Variants in MMP21 observed in about 807,000 individuals in gnomAD.
MMP21 encodes the protein matrix metalloproteinase-21.
In MMP21, 40 loss-of-function variants were observed where a neutral mutation model predicts 47.8. That is an observed-to-expected ratio of 0.84 (90% CI 0.65 to 1.09). The LOEUF is 1.09. MMP21 is among the 50% of genes least tolerant of loss of function. The pLI, the probability that MMP21 is intolerant of heterozygous loss-of-function variation, is 0.00. For synonymous variants in MMP21, 341 were observed against 318.0 expected (o/e 1.07, Z -0.77); for missense variants, 747 against 775.3 (o/e 0.96, Z 0.43).
intron 6 of MMP21, 117 bp downstream of exon 6, chr10:125,767,415 A>T: frequency 2.0e-6 from 2 of 1,013,000 alleles, no homozygotes; most frequent in African/African-American, 1.6e-5. Context: ...GTGCGGGATT[A>T]CAGGCATGCG....
chr10:125,775,633 A>G, intron 1 of MMP21, 27 bp downstream of exon 1: 2 of 1,581,846 alleles, frequency 1.3e-6, no homozygotes, highest in Non-Finnish European at 1.7e-6. Context: ...GCCTGGGGGT[A>G]TTGCTGTTCT....
intron 1 of MMP21, among the ~76,000 whole-genome samples, chr10:125,774,762 C>T (rs547661586): frequency 5.9e-5 from 9 of 152,178 alleles, no homozygotes; most frequent in South Asian, 2.1e-4. Context: ...ACGCTCCCCC[C>T]GGCCTTGCGG....
Position 125,773,419 on chromosome 10 carries a change from G to A in MMP21, c.697+412C>T, listed in dbSNP as rs1362988931. Among the ~76,000 whole-genome samples, 3 of 152,034 alleles carry A rather than the reference G, an allele frequency of 2.0e-5. No homozygotes were observed. Among genetic ancestry groups the A allele is most frequent in the Non-Finnish European group, 4.4e-5 (3 of 68,024 alleles). On this transcript the variant is annotated intron_variant, in intron 2 of 6. Transcript: ENST00000368808. The surrounding 1 kb of genome is among the most constrained non-coding windows in gnomAD (Gnocchi z 4.8). Reference sequence around the variant, plus strand: ...TGGTCTGCCCCTTAAAAACACTTCTGTTGCTAGACGTCCAAGGTATTTTGT... The same window carrying A: ...TGGTCTGCCCCTTAAAAACACTTCTATTGCTAGACGTCCAAGGTATTTTGT...
rs1174436627 is a variant in MMP21 at position 125,773,840 on chromosome 10, A to T, written c.688T>A (p.Phe230Ile). The change falls in exon 2 of 7, where the codon TTT becomes ATT. Residue 230 changes from phenylalanine to isoleucine, a missense_variant. By Grantham distance (21) the Phe-to-Ile change is conservative. Transcript: ENST00000368808. This position sits in a 1 kb window ranked among gnomAD's most constrained non-coding sequence, Gnocchi z 4.8. ...CCCGGGGTGCTCTTACCTCTCCCAA[A>T]GCCCAGCTTGATGTCGACCGCGGCC... ...PGAAVDIKLGFGRGRHLGCPR... is the reference protein window; with the variant it reads ...PGAAVDIKLGIGRGRHLGCPR... 6.5e-7 allele frequency: 1 copy of T among 1,550,340 alleles called. No homozygotes were observed. The highest frequency in any genetic ancestry group is 8.7e-7 in the Non-Finnish European group (1 of 1,155,422).
chr10:125,774,421 C>T, intron 1 of MMP21, 56 bp from the exon 2 acceptor site: 3 of 1,240,698 alleles, frequency 2.4e-6, no homozygotes, highest in East Asian at 3.2e-5. Context: ...CCCTCCCGGG[C>T]TGCCCTGCCC....
At position 125,766,800 on chromosome 10, in the gene MMP21, A is replaced by G; in HGVS notation, c.1572T>C (p.Asn524=). The G allele has an allele frequency of 6.2e-7, 1 of 1,614,060 alleles. No individual in the cohort carries two copies. The change falls in exon 7 of 7, where the codon AAT becomes AAC. Residue 524 remains asparagine (N), a synonymous_variant. Coordinates refer to ENST00000368808, the MANE Select transcript of MMP21 (RefSeq NM_147191.1). ...AYNSIFFFKG[N]AYWKVVNDKD... ...TGTCATTAACTACCTTCCAGTATGC[A>G]TTGCCTTTGAAAAAGAAAATGGAGT...
In MMP21 at chr10:125,770,580, C is replaced by T; in HGVS notation, c.991G>A (p.Gly331Arg). 6.2e-7 allele frequency: 1 copy of T among 1,613,688 alleles called. No homozygotes were observed. Among genetic ancestry groups the T allele is most frequent in the Non-Finnish European group, 8.5e-7 (1 of 1,179,774 alleles). Reference protein sequence around the residue: ...AIQKLYGSCEGSFDTAFDWIR... With the variant: ...AIQKLYGSCERSFDTAFDWIR... The stretch of plus-strand genomic sequence containing the variant: ...CAGTCAAACGCAGTATCAAATGATC[C>T]CTCACAGGAGCCTTAAAAAAACAAA... Residue 331 changes from glycine (G) to arginine (R), a missense_variant, in exon 5 of 7, where the codon GGA becomes AGA. Physicochemically the swap from Gly to Arg is moderately radical, Grantham distance 125. Transcript: ENST00000368808.
rs1410859368 is a variant in MMP21, at chr10:125,774,308, C to T, written c.220G>A (p.Glu74Lys). 4.9e-6 allele frequency: 7 copies of T among 1,414,488 alleles called. No homozygotes were observed. Among genetic ancestry groups the T allele is most frequent in the East Asian group, 6.0e-5 (2 of 33,292 alleles). The allele number at this position is 1,414,488 out of a possible 1,614,324, so 87.6% of individuals were successfully genotyped here. Residue 74 changes from glutamate (E) to lysine (K), a missense_variant, in exon 2 of 7, where the codon GAG becomes AAG. Glu to Lys is a moderately conservative substitution (Grantham distance 56). Coordinates refer to ENST00000368808, the MANE Select transcript of MMP21 (RefSeq NM_147191.1). Reference protein sequence around the residue: ...GVWAAWGPSPEGPPETPKGAA... With the variant: ...GVWAAWGPSPKGPPETPKGAA... The stretch of plus-strand genomic sequence containing the variant: ...CCCTTGGGGGTCTCCGGCGGCCCCT[C>T]GGGACTGGGCCCCCAGGCCGCCCAC...
At position 125,766,489 on chromosome 10, in the gene MMP21, C is replaced by T; in HGVS notation, c.*173G>A. 1 of 541,936 alleles carries T rather than the reference C, an allele frequency of 1.8e-6. No individual in the cohort carries two copies. Among genetic ancestry groups the T allele is most frequent in the Non-Finnish European group, 3.1e-6 (1 of 320,848 alleles). 33.6% of individuals were successfully genotyped at this position (541,936 alleles called of 1,614,324 possible). On this transcript the variant is annotated 3_prime_UTR_variant, in exon 7 of 7. Transcript: ENST00000368808. ...CTTTTAGTTTATGAATTATGTTTTGCCTGAGCAATTGTTTTTAAATCAAGT... is the reference window on the plus strand; with the variant it reads ...CTTTTAGTTTATGAATTATGTTTTGTCTGAGCAATTGTTTTTAAATCAAGT...
In MMP21 at chr10:125,774,365, G is replaced by T. The variant is rs61753106; in HGVS notation, c.163C>A (p.Arg55=). 2 of 1,348,238 alleles carry T rather than the reference G, an allele frequency of 1.5e-6. No homozygotes were observed. Among genetic ancestry groups the T allele is most frequent in the Non-Finnish European group, 1.9e-6 (2 of 1,052,616 alleles). The allele number at this position is 1,348,238 out of a possible 1,614,324, so 83.5% of individuals were successfully genotyped here. Residue 55 remains arginine, a splice_region_variant and synonymous_variant, in exon 2 of 7, where the codon CGG becomes AGG. Coordinates refer to ENST00000368808, the MANE Select transcript of MMP21 (RefSeq NM_147191.1). ...KPIADLHAAQ[R]FLSRYGWSGV... Reference sequence around the variant, plus strand: ...GACCAGCCGTATCTGGACAGGAACCGCTGTGGGAGAGAAAGGCACCCTAAT... The same window carrying T: ...GACCAGCCGTATCTGGACAGGAACCTCTGTGGGAGAGAAAGGCACCCTAAT...
chr10:125,767,458 A>T, intron 6 of MMP21, 74 bp downstream of exon 6: 1 of 1,409,454 alleles, frequency 7.1e-7, no homozygotes, highest in African/African-American at 1.4e-5. Flanking sequence ...GCTTTTAAAT[A>T]TGAACTTGGT....
In MMP21 at chr10:125,769,400, C is replaced by T. The variant is rs138611499; in HGVS notation, c.1237+934G>A. Among the ~76,000 whole-genome samples, 92 of 152,364 alleles carry T rather than the reference C, an allele frequency of 6.0e-4. 1 individual carries two copies. The highest frequency in any genetic ancestry group is 2.2e-3 in the African/African-American group (91 of 41,598). The stretch of plus-strand genomic sequence containing the variant: ...CCCGACCCTGGCATTCGAGGCCCTC[C>T]GTGGTTGGGCCAACCCGCCTTTCTA... On this transcript the variant is annotated intron_variant, in intron 5 of 6. Transcript: ENST00000368808.
At position 125,772,074 on chromosome 10, in the gene MMP21, AG is replaced by A; in HGVS notation, c.979+143del. The stretch of plus-strand genomic sequence containing the variant: ...TGAGAGAATGGCATCAGGGAGCTAG[AG>A]GGTGGCTACCCTTGGGTGACATGAG... On this transcript the variant is annotated intron_variant, in intron 4 of 6. Coordinates refer to ENST00000368808, the MANE Select transcript of MMP21 (RefSeq NM_147191.1). This position sits in a 1 kb window ranked among gnomAD's most constrained non-coding sequence, Gnocchi z 5.6. 1 of 935,908 alleles carries A rather than the reference AG, an allele frequency of 1.1e-6. No homozygotes were observed. Among genetic ancestry groups the A allele is most frequent in the Middle Eastern group, 3.3e-4 (1 of 3,000 alleles). The allele number at this position is 935,908 out of a possible 1,614,324, so 58.0% of individuals were successfully genotyped here.
chr10:125,774,675 A>T (rs1351682217), intron 1 of MMP21, among the ~76,000 whole-genome samples: 1 of 152,152 alleles, frequency 6.6e-6, no homozygotes, highest in Middle Eastern at 3.2e-3. Context: ...GAGGCGCCCT[A>T]GGGCCGGAGG....
Position 125,770,351 on chromosome 10 carries a change from T to A in MMP21, c.1220A>T (p.Glu407Val). The change falls in exon 5 of 7, where the codon GAA becomes GTA. Residue 407 changes from glutamate (E) to valine (V), a missense_variant. By Grantham distance (121) the Glu-to-Val change is moderately radical. Coordinates refer to ENST00000368808, the MANE Select transcript of MMP21 (RefSeq NM_147191.1). ...FVHIWTWKRD[E>V]RYFFQGNQYW... Reference sequence around the variant, plus strand: ...ATCTGTACCTTGAAAAAAATAACGTTCATCTCTTTTCCATGTCCAGATGTG... The same window carrying A: ...ATCTGTACCTTGAAAAAAATAACGTACATCTCTTTTCCATGTCCAGATGTG... 3.1e-6 allele frequency: 5 copies of A among 1,614,144 alleles called. No homozygotes were observed. The highest frequency in any genetic ancestry group is 4.2e-6 in the Non-Finnish European group (5 of 1,180,008).
At position 125,773,769 on chromosome 10, in the gene MMP21, T is replaced by G; in HGVS notation, c.697+62A>C. 1 of 1,436,880 alleles carries G rather than the reference T, an allele frequency of 7.0e-7. No individual in the cohort carries two copies. The highest frequency in any genetic ancestry group is 2.0e-4 in the Middle Eastern group (1 of 5,036). The allele number at this position is 1,436,880 out of a possible 1,614,324, so 89.0% of individuals were successfully genotyped here. On this transcript the variant is annotated intron_variant, in intron 2 of 6. Transcript: ENST00000368808. This position sits in a 1 kb window ranked among gnomAD's most constrained non-coding sequence, Gnocchi z 4.8. ...ATTCTGCAGGTGGCCGAGGTGGGGG[T>G]AGGTGCGCCGGGGTCCCCGAGGGGC...
Position 125,767,615 on chromosome 10 carries a change from C to A in MMP21, c.1327G>T (p.Gly443Ter). ...GKSYPKLISE[G>*]FPGIPSPLDT... ...AGGGGACTTGGGATGCCAGGAAATC[C>A]TTCTGAAATCAATTTGGGATAGCTT... The change falls in exon 6 of 7, where the codon GGA becomes TGA. Residue 443 changes from glycine to a stop codon, truncating the protein, a stop_gained. Coordinates refer to ENST00000368808, the MANE Select transcript of MMP21 (RefSeq NM_147191.1). LOFTEE classifies it high-confidence loss of function. The A allele has an allele frequency of 6.2e-7, 1 of 1,614,166 alleles. No homozygotes were observed. The highest frequency in any genetic ancestry group is 1.1e-5 in the South Asian group (1 of 91,080).
rs901791954 is a variant in MMP21, at chr10:125,773,196, C to T, written c.698-446G>A. Among the ~76,000 whole-genome samples the T allele has an allele frequency of 1.3e-5, 2 of 152,160 alleles. No individual in the cohort carries two copies. Among genetic ancestry groups the T allele is most frequent in the Non-Finnish European group, 2.9e-5 (2 of 68,032 alleles). On this transcript the variant is annotated intron_variant, in intron 2 of 6. Transcript: ENST00000368808. This position sits in a 1 kb window ranked among gnomAD's most constrained non-coding sequence, Gnocchi z 4.8. ...AGACCAGAAGACAGCCCTGAGCACC[C>T]CCGGGTCACAGATGGGGCTGCAAAG...
chr10:125,766,884 TACTGCTGGAAAA>T lies in MMP21; in HGVS notation c.1476_1487del (p.Phe493_Val496del). 1 of 1,613,236 alleles carries T rather than the reference TACTGCTGGAAAA, an allele frequency of 6.2e-7. No homozygotes were observed. The highest frequency in any genetic ancestry group is 1.7e-4 in the Middle Eastern group (1 of 6,056). Reference sequence around the variant, plus strand: ...TTCTGAAAGGATGATTTTGTGGTATTACTGCTGGAAAAACTTCAGTAATCCTCTTTGGATAAG... The same window carrying T: ...TTCTGAAAGGATGATTTTGTGGTATTACTTCAGTAATCCTCTTTGGATAAG... On this transcript the variant is annotated inframe_deletion, in exon 7 of 7. Coordinates refer to ENST00000368808, the MANE Select transcript of MMP21 (RefSeq NM_147191.1).
Sources: allele counts gnomAD v4.1 joint callset (sites outside exome capture counted in the v4.1 genomes callset), GRCh38; gene constraint gnomAD v4.1.1; non-coding constraint Gnocchi (gnomAD v3.1); transcripts MANE v1.5; gene names NCBI Gene and HGNC (gene_info 2026-07-23, HGNC 2026-07-21).